UGT1A5: variants seen among roughly 807,000 people sequenced by gnomAD.
The protein encoded by UGT1A5 is UDP-glucuronosyltransferase 1A5.
Under a neutral mutation model 40.3 loss-of-function variants are expected in UGT1A5, and 29 were observed. The ratio of observed to expected loss-of-function variants is 0.72; its 90% CI spans 0.54 to 0.98. The LOEUF (loss-of-function observed/expected upper bound fraction) is 0.98, where lower values mean the gene tolerates loss of function less well. Ranked by LOEUF, UGT1A5 falls within the 50% of genes least tolerant of loss-of-function variation. UGT1A5 has a pLI of 0.00. For missense variants in UGT1A5, 678 were observed against 677.9 expected, an observed-to-expected ratio of 1.00 and a Z score of 0.00; for synonymous variants, 257 against 262.5, an observed-to-expected ratio of 0.98 and a Z score of 0.20.
rs140687237 is a variant in UGT1A5 at position 233,731,471 on chromosome 2, T to A, written c.867+17613T>A. ...CCACAACAGGCCCTGGCGTGTGATG[T>A]TCCCTGGCCTGTGTCCAGTGTTCTT... On this transcript the variant is annotated intron_variant, in intron 1 of 4. Transcript: ENST00000373414. Among the ~76,000 whole-genome samples, 413 of 152,262 alleles carry A rather than the reference T, an allele frequency of 2.7e-3. 1 individual carries two copies. Among genetic ancestry groups the A allele is most frequent in the South Asian group, 0.017 (82 of 4,820 alleles).
At chr2:233,736,636 C>T (rs1288684741) in intron 1 of UGT1A5, among the ~76,000 whole-genome samples, 1 of 152,166 alleles carries the variant, frequency 6.6e-6, no homozygotes, top group Non-Finnish European at 1.5e-5. Context: ...GCTCTAGTTT[C>T]CCCCCATCTT....
At chr2:233,752,262 A>T (rs1694925315) in intron 1 of UGT1A5, 1 of 152,020 alleles carries the variant, frequency 6.6e-6, no homozygotes. Context: ...TGGTCACAGG[A>T]CTCCAGGTCT....
chr2:233,772,593 C>A lies in UGT1A5; in HGVS notation c.*34C>A. The A allele has an allele frequency of 2.5e-6, 4 of 1,598,604 alleles. No individual in the cohort carries two copies. Among genetic ancestry groups the A allele is most frequent in the Non-Finnish European group, 3.4e-6 (4 of 1,171,794 alleles). On this transcript the variant is annotated 3_prime_UTR_variant, in exon 5 of 5. Transcript: ENST00000373414. The stretch of plus-strand genomic sequence containing the variant: ...TGGGAAATAAGGTAAAATTTTGAAC[C>A]ATTCCCTAGTCATTTCCAAACTTGA...
At position 233,731,325 on chromosome 2, in the gene UGT1A5, G is replaced by A. The variant is rs28898622; in HGVS notation, c.867+17467G>A. Among the ~76,000 whole-genome samples, 886 of 147,182 alleles carry A rather than the reference G, an allele frequency of 6.0e-3. 61 individuals carry two copies. In the East Asian group the frequency reaches 0.15, roughly 25 times the overall value. On this transcript the variant is annotated intron_variant, in intron 1 of 4. Transcript: ENST00000373414. The stretch of plus-strand genomic sequence containing the variant: ...TTATACTTTAAGTTCTAGGGTACAT[G>A]TGCACAAATTGCAGGTTTGATACAT...
At chr2:233,718,650 G>C (rs762582073) in intron 1 of UGT1A5, 2 of 1,506,594 alleles carry the variant, frequency 1.3e-6, no homozygotes, top group Non-Finnish European at 1.8e-6. Context: ...GGCCCATAAC[G>C]AAAGGCAGTT....
chr2:233,762,443 C>A (rs1698075308), intron 1 of UGT1A5, among the ~76,000 whole-genome samples: 1 of 152,222 alleles, frequency 6.6e-6, no homozygotes, highest in Non-Finnish European at 1.5e-5. Flanking sequence ...TGTATTCCCA[C>A]TGCCCACTTA....
intron 1 of UGT1A5, chr2:233,756,085 A>G (rs75115933): frequency 6.6e-6 from 1 of 152,236 alleles, no homozygotes; most frequent in Non-Finnish European, 1.5e-5. Flanking sequence ...TGAGAAAATC[A>G]AGTAACATTA....
intron 1 of UGT1A5, among the ~76,000 whole-genome samples, chr2:233,725,069 C>G (rs1374250230): frequency 2.7e-5 from 4 of 146,562 alleles, no homozygotes; most frequent in Non-Finnish European, 4.5e-5. Context: ...CGCCTGCAAT[C>G]GCAGGCACTC....
At chr2:233,755,074 C>A in intron 1 of UGT1A5, 1 of 1,336,598 alleles carries the variant, frequency 7.5e-7, no homozygotes, top group Non-Finnish European at 1.0e-6. Flanking sequence ...CCATAGCGGT[C>A]ATAGATATCG....
intron 1 of UGT1A5, chr2:233,748,079 G>C: frequency 6.2e-7 from 1 of 1,613,192 alleles, no homozygotes; most frequent in Non-Finnish European, 8.5e-7. Context: ...CACTATCTCA[G>C]GTCGGTGTTC....
At chr2:233,728,657 C>A (rs541048622) in intron 1 of UGT1A5, among the ~76,000 whole-genome samples, 28 of 152,298 alleles carry the variant, frequency 1.8e-4, no homozygotes, top group African/African-American at 6.5e-4. Flanking sequence ...TTTGGATGCG[C>A]TGCGTTACTC....
At chr2:233,728,043 T>A (rs116287140) in intron 1 of UGT1A5, among the ~76,000 whole-genome samples, 14 of 152,218 alleles carry the variant, frequency 9.2e-5, no homozygotes, top group African/African-American at 3.1e-4. Context: ...AGGATAAGCC[T>A]CATTGGGCTT....
chr2:233,731,057 C>A (rs1221719711), intron 1 of UGT1A5, among the ~76,000 whole-genome samples: 3 of 152,120 alleles, frequency 2.0e-5, no homozygotes, highest in Non-Finnish European at 4.4e-5. Context: ...TGTGTATGAA[C>A]TTCCATGATT....
Position 233,722,490 on chromosome 2 carries a change from A to G in UGT1A5, c.867+8632A>G, listed in dbSNP as rs147045039. Among the ~76,000 whole-genome samples the G allele has an allele frequency of 2.3e-3, 357 of 152,016 alleles. 2 individuals are homozygous for G. Among genetic ancestry groups the G allele is most frequent in the East Asian group, 0.02 (103 of 5,174 alleles). ...ATTTGTATATTCTTTTCACTGTTTC[A>G]TTTTCCGTTTCGTTAATTGCAGCTT... On this transcript the variant is annotated intron_variant, in intron 1 of 4. Coordinates refer to ENST00000373414, the MANE Select transcript of UGT1A5 (RefSeq NM_019078.2).
In UGT1A5 at chr2:233,755,401, T is replaced by C. The variant is rs995268070; in HGVS notation, c.868-11633T>C. 43 of 336,532 alleles carry C rather than the reference T, an allele frequency of 1.3e-4. 1 individual carries two copies. The Admixed American group carries it at 1.6e-3, about 13-fold the overall frequency. The allele number at this position is 336,532 out of a possible 1,614,324, so 20.8% of individuals were successfully genotyped here. A position where few individuals can be genotyped will look rare whatever the true frequency, so the allele number is the denominator to read the frequency against. On this transcript the variant is annotated intron_variant, in intron 1 of 4. Transcript: ENST00000373414. ...CCCCTTATGACGCAGCCACATCTCA[T>C]TGGCCGAGGCCTGTGAGCGCCTCGC...
chr2:233,735,900 C>T (rs1272408320), intron 1 of UGT1A5, among the ~76,000 whole-genome samples: 5 of 152,014 alleles, frequency 3.3e-5, no homozygotes, highest in African/African-American at 9.7e-5. Flanking sequence ...GATGGGCTTC[C>T]CTTTGTGGGT....
chr2:233,736,505 A>G (rs530894832), intron 1 of UGT1A5, among the ~76,000 whole-genome samples: 2 of 152,202 alleles, frequency 1.3e-5, no homozygotes, highest in South Asian at 2.1e-4. Flanking sequence ...TCTGAAGCCT[A>G]CTTCTGTCAA....
At chr2:233,762,893 C>G (rs960157189) in intron 1 of UGT1A5, among the ~76,000 whole-genome samples, 1 of 152,100 alleles carries the variant, frequency 6.6e-6, no homozygotes. Context: ...AATTCCATGC[C>G]AAATATCAGG....
intron 4 of UGT1A5, among the ~76,000 whole-genome samples, chr2:233,768,959 C>T (rs1259546166): frequency 6.6e-6 from 1 of 152,056 alleles, no homozygotes; most frequent in African/African-American, 2.4e-5. Flanking sequence ...TATAATTTAT[C>T]ATATAATTTA....
Sources: allele counts gnomAD v4.1 joint callset (sites outside exome capture counted in the v4.1 genomes callset), GRCh38; gene constraint gnomAD v4.1.1; transcripts MANE v1.5; gene names NCBI Gene and HGNC (gene_info 2026-07-23, HGNC 2026-07-21).